RNF111: variants seen among roughly 807,000 people sequenced by gnomAD.
The protein encoded by RNF111 is ring finger protein 111.
In RNF111, 17 loss-of-function variants were observed where a neutral mutation model predicts 95.1. The observed-to-expected ratio is 0.18, with a 90% CI of 0.12 to 0.27. The LOEUF (loss-of-function observed/expected upper bound fraction) is 0.27, where lower values mean the gene tolerates loss of function less well. Ranked by LOEUF, RNF111 falls within the 10% of genes least tolerant of loss-of-function variation. The probability of loss-of-function intolerance (pLI) is 1.00; values close to 1 mark genes in which losing one functional copy is unlikely to be tolerated. For missense variants in RNF111, 1,189 were observed against 1,210.4 expected, an observed-to-expected ratio of 0.98 and a Z score of 0.26; for synonymous variants, 440 against 414.8, an observed-to-expected ratio of 1.06 and a Z score of -0.74.
chr15:59,012,687 G>A (rs2039881907), intron 1 of RNF111, among the ~76,000 whole-genome samples: 1 of 151,784 alleles, frequency 6.6e-6, no homozygotes, highest in Non-Finnish European at 1.5e-5. Flanking sequence ...TCCCAGTGGA[G>A]CAACTGGATG....
rs761232170 is a variant in RNF111, at chr15:59,081,156, T to C, written c.2169T>C (p.His723=). Reference sequence around the variant, plus strand: ...GTACAGCTGCACCAATCCCTCAGCATCTTCCTCCTACACACCAGCCAATTT... The same window carrying C: ...GTACAGCTGCACCAATCCCTCAGCACCTTCCTCCTACACACCAGCCAATTT... ...LASTAAPIPQ[H]LPPTHQPISH... is the part of the protein sequence containing the mutation. The change falls in exon 8 of 14, where the codon CAT becomes CAC. Residue 723 remains histidine (H), a synonymous_variant. Transcript: ENST00000348370. The C allele has an allele frequency of 2.5e-6, 4 of 1,614,028 alleles. No homozygotes were observed. Among genetic ancestry groups the C allele is most frequent in the Non-Finnish European group, 3.4e-6 (4 of 1,180,024 alleles).
chr15:59,012,537 A>G (rs898395561), intron 1 of RNF111, among the ~76,000 whole-genome samples: 3 of 152,198 alleles, frequency 2.0e-5, no homozygotes, highest in African/African-American at 7.2e-5. Context: ...GAACATTTTA[A>G]CACAAGAAAT....
intron 2 of RNF111, among the ~76,000 whole-genome samples, chr15:59,051,175 C>A (rs1268858964): frequency 6.6e-6 from 1 of 152,100 alleles, no homozygotes; most frequent in East Asian, 1.9e-4. Context: ...AATTTTGCGC[C>A]TGGTGCGGTG....
At chr15:59,079,005 T>C (rs2078658055) in intron 7 of RNF111, among the ~76,000 whole-genome samples, 1 of 152,220 alleles carries the variant, frequency 6.6e-6, no homozygotes, top group Admixed American at 6.5e-5. Flanking sequence ...AAGTGATATG[T>C]TGAACGTCTA....
chr15:59,047,526 A>G (rs1455798130), intron 2 of RNF111, among the ~76,000 whole-genome samples: 1 of 152,106 alleles, frequency 6.6e-6, no homozygotes, highest in Non-Finnish European at 1.5e-5. Context: ...AGAGTAACTA[A>G]TAATCACATG....
chr15:58,996,573 T>TC (rs1353714341), intron 1 of RNF111, among the ~76,000 whole-genome samples: 3 of 149,226 alleles, frequency 2.0e-5, no homozygotes, highest in African/African-American at 7.4e-5. Context: ...AGAGCAAGAC[T>TC]CCATCTCAAG....
At chr15:59,008,024 A>AT (rs1462632313) in intron 1 of RNF111, among the ~76,000 whole-genome samples, 1 of 152,068 alleles carries the variant, frequency 6.6e-6, no homozygotes, top group Non-Finnish European at 1.5e-5. Context: ...AAGCTTACTA[A>AT]TTTTTTTAAG....
intron 6 of RNF111, among the ~76,000 whole-genome samples, chr15:59,069,207 T>G (rs1290088512): frequency 6.6e-6 from 1 of 152,208 alleles, no homozygotes; most frequent in Admixed American, 6.5e-5. Flanking sequence ...TAACATTTCT[T>G]GGTATTAATG....
At chr15:59,009,261 G>T (rs113105798) in intron 1 of RNF111, among the ~76,000 whole-genome samples, 1 of 151,838 alleles carries the variant, frequency 6.6e-6, no homozygotes, top group Non-Finnish European at 1.5e-5. Context: ...GCCTGGCCAC[G>T]TATTTTACTT....
At chr15:59,021,522 T>C (rs1312046365) in intron 1 of RNF111, among the ~76,000 whole-genome samples, 1 of 152,202 alleles carries the variant, frequency 6.6e-6, no homozygotes, top group Non-Finnish European at 1.5e-5. Context: ...TTAAGTCTTA[T>C]GTATGTACCT....
chr15:59,012,879 C>T (rs1232086266), intron 1 of RNF111, among the ~76,000 whole-genome samples: 1 of 152,048 alleles, frequency 6.6e-6, no homozygotes, highest in East Asian at 1.9e-4. Flanking sequence ...TCTGTGATTA[C>T]AGGTGCCTGA....
intron 1 of RNF111, among the ~76,000 whole-genome samples, chr15:59,011,497 G>T (rs1182695223): frequency 6.6e-6 from 1 of 152,160 alleles, no homozygotes; most frequent in East Asian, 1.9e-4. Context: ...CAGATGGAGT[G>T]GCTTAAACCA....
intron 1 of RNF111, among the ~76,000 whole-genome samples, chr15:59,016,736 C>T (rs890233820): frequency 2.0e-5 from 3 of 152,310 alleles, no homozygotes; most frequent in Non-Finnish European, 4.4e-5. Context: ...GGGCCACGGA[C>T]TGGTACCCAT....
intron 1 of RNF111, among the ~76,000 whole-genome samples, chr15:59,010,164 G>A (rs2039729887): frequency 6.6e-6 from 1 of 151,916 alleles, no homozygotes; most frequent in Non-Finnish European, 1.5e-5. Flanking sequence ...TGTGAACATT[G>A]TTTTATGCTG....
chr15:59,079,677 C>A (rs2078678923), intron 7 of RNF111, among the ~76,000 whole-genome samples: 1 of 148,018 alleles, frequency 6.8e-6, no homozygotes, highest in Non-Finnish European at 1.5e-5. Context: ...TTTTACATGT[C>A]AAGTAGATGC....
intron 2 of RNF111, among the ~76,000 whole-genome samples, chr15:59,037,377 C>G (rs1383132572): frequency 1.3e-5 from 2 of 152,038 alleles, no homozygotes; most frequent in Non-Finnish European, 2.9e-5. Flanking sequence ...TTTAAAATAA[C>G]CTAACAGAAG....
Position 58,988,054 on chromosome 15 carries a change from T to C in RNF111, c.-34T>C, listed in dbSNP as rs1368644691. 2 of 115,846 alleles carry C rather than the reference T, an allele frequency of 1.7e-5. No individual in the cohort carries two copies. Among genetic ancestry groups the C allele is most frequent in the African/African-American group, 3.3e-5 (1 of 29,958 alleles). 7.2% of individuals were successfully genotyped at this position (115,846 alleles called of 1,614,324 possible). Reference sequence around the variant, plus strand: ...TCCCGGACCCTGGAAGAGAAGAGGGTGGCTAATGATTAAGGTGAGGGGAAC... The same window carrying C: ...TCCCGGACCCTGGAAGAGAAGAGGGCGGCTAATGATTAAGGTGAGGGGAAC... On this transcript the variant is annotated 5_prime_UTR_variant, in exon 1 of 14. Coordinates refer to ENST00000348370, the MANE Select transcript of RNF111 (RefSeq NM_017610.8).
chr15:59,004,910 C>T (rs1382708449), intron 1 of RNF111, among the ~76,000 whole-genome samples: 1 of 152,174 alleles, frequency 6.6e-6, no homozygotes, highest in Non-Finnish European at 1.5e-5. Context: ...TGCTCACATT[C>T]TGAGAGACAC....
intron 3 of RNF111, 138 bp downstream of exon 3, chr15:59,052,569 ATTTT>A (rs768761060): frequency 4.6e-3 from 1,131 of 247,408 alleles, no homozygotes; most frequent in Middle Eastern, 7.7e-3. Flanking sequence ...AGATTAGTGG[ATTTT>A]TTTTTTTTTT....
Sources: gnomAD v4.1 joint callset for allele counts (sites outside exome capture counted in the v4.1 genomes callset) on GRCh38, gnomAD v4.1.1 for gene constraint, MANE v1.5 for transcripts, NCBI Gene and HGNC (gene_info 2026-07-23, HGNC 2026-07-21) for gene names.